The following USP37 variants were observed in gnomAD, a reference collection of about 807,000 sequenced individuals.
USP37 encodes ubiquitin specific peptidase 37.
A neutral mutation model predicts 124.0 loss-of-function variants in USP37; 27 were observed. The ratio of observed to expected loss-of-function variants is 0.22; its 90% CI spans 0.16 to 0.30. The LOEUF (loss-of-function observed/expected upper bound fraction) is 0.30, where lower values mean the gene tolerates loss of function less well. Ranked by LOEUF, USP37 falls within the 10% of genes least tolerant of loss-of-function variation. The probability of loss-of-function intolerance (pLI) is 1.00; values close to 1 mark genes in which losing one functional copy is unlikely to be tolerated. For missense variants in USP37, 889 were observed against 1,140.4 expected, an observed-to-expected ratio of 0.78 and a Z score of 3.17; for synonymous variants, 365 against 388.0, an observed-to-expected ratio of 0.94 and a Z score of 0.70.
At chr2:218,460,477 A>C (rs1689956504) in intron 22 of USP37, among the ~76,000 whole-genome samples, 1 of 152,168 alleles carries the variant, frequency 6.6e-6, no homozygotes, top group Non-Finnish European at 1.5e-5. Flanking sequence ...TAACCCTTAT[A>C]AGAAAGATAT....
intron 18 of USP37, among the ~76,000 whole-genome samples, chr2:218,479,014 A>G (rs1691112332): frequency 1.3e-5 from 2 of 152,210 alleles, no homozygotes; most frequent in Non-Finnish European, 2.9e-5. Context: ...AAATTAATTA[A>G]AAAGTCAAAC....
intron 13 of USP37, 95 bp from the exon 14 acceptor site, chr2:218,496,045 GC>G: frequency 3.1e-6 from 4 of 1,299,402 alleles, no homozygotes; most frequent in Non-Finnish European, 3.1e-6. Flanking sequence ...TGTAATTCCA[GC>G]ACTCTGGAAG....
chr2:218,539,647 G>A (rs546541277), intron 8 of USP37, among the ~76,000 whole-genome samples: 44 of 151,990 alleles, frequency 2.9e-4, no homozygotes, highest in African/African-American at 5.5e-4. Context: ...CCCGGGAGGC[G>A]GAGGTTGCAG....
intron 3 of USP37, among the ~76,000 whole-genome samples, chr2:218,559,243 C>T (rs1693186885): frequency 6.6e-6 from 1 of 152,128 alleles, no homozygotes; most frequent in Admixed American, 6.5e-5. Flanking sequence ...CACAGGAGGT[C>T]AAGGCTGCAG....
Position 218,549,942 on chromosome 2 carries a change from C to T in USP37, c.329-33G>A, listed in dbSNP as rs369126824. The T allele has an allele frequency of 7.8e-5, 115 of 1,481,532 alleles. No individual in the cohort carries two copies. In the African/African-American group the frequency reaches 1.5e-3, roughly 20 times the overall value. The allele number at this position is 1,481,532 out of a possible 1,614,324, so 91.8% of individuals were successfully genotyped here. A position where few individuals can be genotyped will look rare whatever the true frequency, so the allele number is the denominator to read the frequency against. On this transcript the variant is annotated intron_variant, in intron 5 of 25. Transcript: ENST00000258399. The stretch of plus-strand genomic sequence containing the variant: ...CCAAAAATATAATTTTTTTTAAAAT[C>T]CCCAAATCACTCACTTTAACAAAAA...
At chr2:218,528,671 C>G (rs1204671428) in intron 10 of USP37, 1 of 424,620 alleles carries the variant, frequency 2.4e-6, no homozygotes, top group Non-Finnish European at 4.2e-6. Flanking sequence ...TCCTGTCTAT[C>G]ATTGATGGGC....
intron 6 of USP37, among the ~76,000 whole-genome samples, chr2:218,548,421 G>A (rs750655801): frequency 2.0e-4 from 30 of 151,646 alleles, no homozygotes; most frequent in Admixed American, 3.9e-4. Context: ...GCTTCCTGCA[G>A]CCTTGACTTC....
chr2:218,486,088 C>T (rs1691544790), intron 15 of USP37: 1 of 193,908 alleles, frequency 5.2e-6, no homozygotes, highest in African/African-American at 2.3e-5. Flanking sequence ...CAGATTTTAC[C>T]ATATGGCCAT....
At chr2:218,525,465 CAG>C (rs1318185061) in intron 10 of USP37, among the ~76,000 whole-genome samples, 1 of 152,186 alleles carries the variant, frequency 6.6e-6, no homozygotes, top group Non-Finnish European at 1.5e-5. Context: ...GGCTGGGTGA[CAG>C]AGTGAGACCC....
chr2:218,475,752 T>A (rs1053735836), intron 19 of USP37, among the ~76,000 whole-genome samples: 16 of 149,262 alleles, frequency 1.1e-4, no homozygotes, highest in East Asian at 3.9e-4. Flanking sequence ...ATAAATAAAT[T>A]AAATAAAAAA....
intron 8 of USP37, among the ~76,000 whole-genome samples, chr2:218,535,251 C>A (rs1691559270): frequency 6.6e-6 from 1 of 151,594 alleles, no homozygotes; most frequent in African/African-American, 2.4e-5. Flanking sequence ...GTAGTCCCAG[C>A]TACTCGGGAG....
intron 8 of USP37, among the ~76,000 whole-genome samples, chr2:218,535,170 C>A (rs1691551321): frequency 6.6e-6 from 1 of 151,368 alleles, no homozygotes; most frequent in Non-Finnish European, 1.5e-5. Context: ...TCGAGACCAG[C>A]CTGGCCAACA....
intron 8 of USP37, among the ~76,000 whole-genome samples, chr2:218,542,330 T>G (rs1309110703): frequency 1.3e-5 from 2 of 152,198 alleles, no homozygotes; most frequent in Non-Finnish European, 2.9e-5. Flanking sequence ...AACCTAGTGT[T>G]TAACAGACAG....
intron 11 of USP37, among the ~76,000 whole-genome samples, chr2:218,507,150 ATATT>A (rs1213795359): frequency 1.3e-5 from 2 of 151,046 alleles, no homozygotes; most frequent in Non-Finnish European, 2.9e-5. Flanking sequence ...GTATTTAATT[ATATT>A]TATTTATTTA....
At chr2:218,517,379 T>C (rs1690352574) in intron 10 of USP37, among the ~76,000 whole-genome samples, 1 of 152,254 alleles carries the variant, frequency 6.6e-6, no homozygotes, top group Non-Finnish European at 1.5e-5. Context: ...TCTTTTTCCA[T>C]CTGCCCAAAA....
At chr2:218,550,570 C>T (rs1692609556) in intron 5 of USP37, among the ~76,000 whole-genome samples, 1 of 149,590 alleles carries the variant, frequency 6.7e-6, no homozygotes, top group Admixed American at 6.7e-5. Context: ...ATAAGAATTA[C>T]TGAGCGAACA....
At chr2:218,490,287 G>C (rs1162270485) in intron 14 of USP37, among the ~76,000 whole-genome samples, 1 of 152,154 alleles carries the variant, frequency 6.6e-6, no homozygotes, top group Non-Finnish European at 1.5e-5. Flanking sequence ...CTTGAAGTGA[G>C]CCGAGATCGC....
rs1689458287 is a variant in USP37, at chr2:218,450,809, A to G, written c.*4121T>C. The G allele has an allele frequency of 6.6e-6, 1 of 152,218 alleles. No homozygotes were observed. Among genetic ancestry groups the G allele is most frequent in the South Asian group, 2.1e-4 (1 of 4,832 alleles). The allele number at this position is 152,218 out of a possible 1,614,324, so 9.4% of individuals were successfully genotyped here. On this transcript the variant is annotated 3_prime_UTR_variant, in exon 26 of 26. Coordinates refer to ENST00000258399, the MANE Select transcript of USP37 (RefSeq NM_020935.3). ...CTATACTTTGAACCTCTGTACTTTT[A>G]AGAAAAGTCCAATGTTACAAAATCA...
At chr2:218,493,089 CAGTTT>C (rs1215142613) in intron 14 of USP37, among the ~76,000 whole-genome samples, 1 of 151,566 alleles carries the variant, frequency 6.6e-6, no homozygotes, top group African/African-American at 2.4e-5. Flanking sequence ...AAAAAGCAGT[CAGTTT>C]AAACTGTAAT....
Sources: gnomAD v4.1 joint callset for allele counts (sites outside exome capture counted in the v4.1 genomes callset) on GRCh38, gnomAD v4.1.1 for gene constraint, MANE v1.5 for transcripts, NCBI Gene and HGNC (gene_info 2026-07-23, HGNC 2026-07-21) for gene names.